The following PSMB7 variants were observed in gnomAD, a reference collection of about 807,000 sequenced individuals.
The protein encoded by PSMB7 is proteasome 20S subunit beta 7.
A neutral mutation model predicts 28.1 loss-of-function variants in PSMB7; 5 were observed. The observed-to-expected ratio is 0.18, with a 90% CI of 0.09 to 0.37. The LOEUF is 0.37. Among genes scored for constraint, PSMB7 ranks in the 10% least tolerant of loss-of-function variants. The probability of loss-of-function intolerance (pLI) is 1.00; values close to 1 mark genes in which losing one functional copy is unlikely to be tolerated. For missense variants in PSMB7, 275 were observed against 346.2 expected, an observed-to-expected ratio of 0.79 and a Z score of 1.63; for synonymous variants, 122 against 123.7, an observed-to-expected ratio of 0.99 and a Z score of 0.09.
intron 5 of PSMB7, among the ~76,000 whole-genome samples, chr9:124,402,159 T>C (rs1354504286): frequency 2.0e-5 from 3 of 152,198 alleles, no homozygotes; most frequent in Non-Finnish European, 4.4e-5. Context: ...CCAGTCTGTG[T>C]GGAGTCAGTG....
intron 5 of PSMB7, among the ~76,000 whole-genome samples, chr9:124,391,314 G>A (rs1830784982): frequency 2.6e-5 from 4 of 152,204 alleles, no homozygotes; most frequent in Non-Finnish European, 5.9e-5. Context: ...TTTAAAGTGT[G>A]CGATGTTCTT....
chr9:124,414,852 A>G lies in PSMB7; in HGVS notation c.146T>C (p.Val49Ala), dbSNP rs1324250909. Residue 49 changes from valine (V) to alanine (A), a missense_variant, in exon 2 of 8, where the codon GTG becomes GCG. Physicochemically the swap from Val to Ala is moderately conservative, Grantham distance 64. Coordinates refer to ENST00000259457, the MANE Select transcript of PSMB7 (RefSeq NM_002799.4). ...CCTAACCCGGCTTACCTTATAGACC[A>G]CCCCAGCGATGGTCGTGCCAGTTTT... ...VRKTGTTIAG[V>A]VYKDGIVLGA... 6.2e-7 allele frequency: 1 copy of G among 1,613,448 alleles called. No homozygotes were observed. The highest frequency in any genetic ancestry group is 8.5e-7 in the Non-Finnish European group (1 of 1,179,824).
chr9:124,357,360 G>A (rs1169239629), intron 6 of PSMB7, among the ~76,000 whole-genome samples: 2 of 152,106 alleles, frequency 1.3e-5, no homozygotes, highest in Non-Finnish European at 2.9e-5. Context: ...CAGGCAGTGG[G>A]CCAGATCTGG....
intron 6 of PSMB7, among the ~76,000 whole-genome samples, chr9:124,359,242 G>C (rs1830445655): frequency 6.6e-6 from 1 of 152,090 alleles, no homozygotes; most frequent in African/African-American, 2.4e-5. Context: ...CATTCCTTAA[G>C]GAAGAAAATC....
chr9:124,404,072 C>A (rs971862747), intron 5 of PSMB7, among the ~76,000 whole-genome samples: 3 of 151,764 alleles, frequency 2.0e-5, no homozygotes, highest in Admixed American at 2.0e-4. Context: ...ATATATGTGG[C>A]ACAGACCGGG....
intron 6 of PSMB7, chr9:124,384,198 A>G (rs1017747803): frequency 1.8e-5 from 3 of 169,464 alleles, no homozygotes; most frequent in African/African-American, 7.1e-5. Flanking sequence ...CTCCATTTTC[A>G]GGTCACGTCT....
At chr9:124,374,715 T>A (rs148886441) in intron 6 of PSMB7, among the ~76,000 whole-genome samples, 71 of 152,258 alleles carry the variant, frequency 4.7e-4, no homozygotes, top group Non-Finnish European at 8.7e-4. Flanking sequence ...TTCCAGCTAC[T>A]TGGGAGGCTC....
At chr9:124,410,132 C>T (rs1588583741) in intron 4 of PSMB7, among the ~76,000 whole-genome samples, 2 of 151,436 alleles carry the variant, frequency 1.3e-5, no homozygotes, top group African/African-American at 4.8e-5. Context: ...GTAGCTAGGA[C>T]TACAGGCGCC....
chr9:124,397,199 T>C (rs1830851438), intron 5 of PSMB7, among the ~76,000 whole-genome samples: 1 of 152,214 alleles, frequency 6.6e-6, no homozygotes, highest in Non-Finnish European at 1.5e-5. Flanking sequence ...ACAGGGATGA[T>C]GGCACCCACC....
At chr9:124,409,057 T>C (rs1323622253) in intron 4 of PSMB7, among the ~76,000 whole-genome samples, 1 of 152,208 alleles carries the variant, frequency 6.6e-6, no homozygotes, top group Non-Finnish European at 1.5e-5. Context: ...AACAATCTCT[T>C]AGCACTAACT....
At chr9:124,412,287 TG>T in intron 4 of PSMB7, 64 bp downstream of exon 4, 1 of 1,506,904 alleles carries the variant, frequency 6.6e-7, no homozygotes, top group Non-Finnish European at 9.1e-7. Context: ...AGGCTTCTCT[TG>T]GCTGAAAAAA....
At chr9:124,380,971 T>A (rs1830658320) in intron 6 of PSMB7, among the ~76,000 whole-genome samples, 1 of 152,250 alleles carries the variant, frequency 6.6e-6, no homozygotes, top group Admixed American at 6.5e-5. Flanking sequence ...ATTTTATTAA[T>A]ATTTTTATTT....
intron 6 of PSMB7, among the ~76,000 whole-genome samples, chr9:124,361,369 CAA>C (rs1830464162): frequency 6.6e-6 from 1 of 152,162 alleles, no homozygotes; most frequent in African/African-American, 2.4e-5. Context: ...GTAAAAGGCA[CAA>C]AGAGGTCCAC....
chr9:124,413,160 AAAAAAAAAAAAAAAAGAAC>A (rs2131183681), intron 3 of PSMB7, among the ~76,000 whole-genome samples: 1 of 150,260 alleles, frequency 6.7e-6, no homozygotes, highest in Non-Finnish European at 1.5e-5. Flanking sequence ...TCCCAAAAAA[AAAAAAAAAAAAAAAAGAAC>A]GAAAAAAATG....
intron 5 of PSMB7, 103 bp from the exon 6 acceptor site, chr9:124,384,759 T>A: frequency 1.0e-6 from 1 of 975,496 alleles, no homozygotes; most frequent in Admixed American, 1.9e-5. Context: ...GCCCAGTGTC[T>A]CATTCAAGTA....
At chr9:124,364,538 A>G (rs1015270780) in intron 6 of PSMB7, among the ~76,000 whole-genome samples, 19 of 152,104 alleles carry the variant, frequency 1.2e-4, no homozygotes, top group African/African-American at 2.6e-4. Context: ...AAAAAAAAAA[A>G]AAAGAAAGCC....
At chr9:124,364,943 T>TC (rs767837567) in intron 6 of PSMB7, among the ~76,000 whole-genome samples, 9 of 152,200 alleles carry the variant, frequency 5.9e-5, no homozygotes, top group Non-Finnish European at 1.0e-4. Context: ...GGGAAGGCTA[T>TC]CACAGGCACT....
At chr9:124,403,631 C>T (rs552870415) in intron 5 of PSMB7, among the ~76,000 whole-genome samples, 28 of 152,276 alleles carry the variant, frequency 1.8e-4, no homozygotes, top group African/African-American at 6.5e-4. Flanking sequence ...ACAGGCCAGG[C>T]ATTGGAGCAC....
intron 6 of PSMB7, among the ~76,000 whole-genome samples, chr9:124,370,686 T>G (rs983393720): frequency 2.0e-5 from 3 of 152,194 alleles, no homozygotes; most frequent in African/African-American, 7.2e-5. Context: ...TTCCAGCCTG[T>G]GAAAGCTGAC....
Sources: gnomAD v4.1 joint callset for allele counts (sites outside exome capture counted in the v4.1 genomes callset) on GRCh38, gnomAD v4.1.1 for gene constraint, MANE v1.5 for transcripts, NCBI Gene and HGNC (gene_info 2026-07-23, HGNC 2026-07-21) for gene names.